The following TRRAP variants were observed in gnomAD, a reference collection of about 807,000 sequenced individuals.
TRRAP encodes transformation/transcription domain-associated protein.
A neutral mutation model predicts 438.8 loss-of-function variants in TRRAP; 41 were observed. The ratio of observed to expected loss-of-function variants is 0.09; its 90% CI spans 0.07 to 0.12. The LOEUF (loss-of-function observed/expected upper bound fraction) is 0.12. TRRAP is among the 10% of genes least tolerant of loss of function. The pLI is 1.00. For missense variants in TRRAP, 3,122 were observed against 5,055.1 expected, an observed-to-expected ratio of 0.62 and a Z score of 11.60; for synonymous variants, 1,994 against 1,962.9, an observed-to-expected ratio of 1.02 and a Z score of -0.42.
At chr7:98,943,849 A>G (rs1790915833) in intron 31 of TRRAP, among the ~76,000 whole-genome samples, 1 of 152,224 alleles carries the variant, frequency 6.6e-6, no homozygotes, top group Non-Finnish European at 1.5e-5. Flanking sequence ...CAGAGGCATA[A>G]TTAACGTGGC....
chr7:98,891,394 A>G (rs1795972882), intron 4 of TRRAP, among the ~76,000 whole-genome samples: 1 of 148,460 alleles, frequency 6.7e-6, no homozygotes, highest in Non-Finnish European at 1.5e-5. Flanking sequence ...GTACTTTAAT[A>G]GAGACCATGT....
intron 4 of TRRAP, among the ~76,000 whole-genome samples, chr7:98,892,131 G>A (rs140397902): frequency 1.8e-3 from 274 of 152,282 alleles, no homozygotes; most frequent in African/African-American, 6.2e-3. Flanking sequence ...CTCCATGTTC[G>A]TACACCAGTG....
chr7:98,983,550 G>A, intron 60 of TRRAP, 91 bp downstream of exon 60: 1 of 1,485,254 alleles, frequency 6.7e-7, no homozygotes, highest in Non-Finnish European at 9.1e-7. Context: ...GTTTGGTTTG[G>A]TTTGGTTTTT....
intron 43 of TRRAP, among the ~76,000 whole-genome samples, chr7:98,957,196 C>T (rs1791657846): frequency 6.6e-6 from 1 of 152,236 alleles, no homozygotes; most frequent in Admixed American, 6.5e-5. Flanking sequence ...TCCCTGCCTT[C>T]ACACTGTGGT....
At chr7:98,971,086 C>G (rs1035139273) in intron 52 of TRRAP, among the ~76,000 whole-genome samples, 1 of 152,188 alleles carries the variant, frequency 6.6e-6, no homozygotes, top group Non-Finnish European at 1.5e-5. Flanking sequence ...CTTCTTTGCT[C>G]TAAAAGGGGT....
rs866759974 is a variant in TRRAP at position 98,978,235 on chromosome 7, A to G, written c.8410A>G (p.Met2804Val). ...GGCACAAGAATCCTATGAAAAGGCA[A>G]TGGATAAAGCCAAAAAAGAACATGA... ...EQAQESYEKA[M>V]DKAKKEHERS... The change falls in exon 57 of 73, where the codon ATG becomes GTG. Residue 2804 changes from methionine (M) to valine (V), a missense_variant. Met to Val is a conservative substitution (Grantham distance 21, BLOSUM62 1). Around this residue, in one of 24 missense-constraint regions of TRRAP, gnomAD observed 992 missense variants for 1,281.2 expected, o/e 0.77. Coordinates refer to ENST00000456197, the MANE Select transcript of TRRAP (RefSeq NM_001375524.1). 6.2e-7 allele frequency: 1 copy of G among 1,614,134 alleles called. No homozygotes were observed. The highest frequency in any genetic ancestry group is 8.5e-7 in the Non-Finnish European group (1 of 1,180,016).
Position 98,994,984 on chromosome 7 carries a change from T to G in TRRAP, c.10309+136T>G. ...CACACTGGTTACACTCTGTTTACAGTGCAGACTTCAGAGTGCATAGCTGAG... is the reference window on the plus strand; with the variant it reads ...CACACTGGTTACACTCTGTTTACAGGGCAGACTTCAGAGTGCATAGCTGAG... On this transcript the variant is annotated intron_variant, in intron 67 of 72. Transcript: ENST00000456197. The surrounding 1 kb of genome is among the most constrained non-coding windows in gnomAD (Gnocchi z 4.8). 1 of 1,306,940 alleles carries G rather than the reference T, an allele frequency of 7.7e-7. No homozygotes were observed. Among genetic ancestry groups the G allele is most frequent in the Non-Finnish European group, 1.0e-6 (1 of 961,586 alleles). The allele number at this position is 1,306,940 out of a possible 1,614,324, so 81.0% of individuals were successfully genotyped here. A position where few individuals can be genotyped will look rare whatever the true frequency, so the allele number is the denominator to read the frequency against.
chr7:98,925,769 A>G (rs1790022642), intron 22 of TRRAP, among the ~76,000 whole-genome samples: 2 of 152,196 alleles, frequency 1.3e-5, no homozygotes, highest in African/African-American at 4.8e-5. Flanking sequence ...CAGGGGATGG[A>G]TTTTTCCTAT....
intron 58 of TRRAP, among the ~76,000 whole-genome samples, chr7:98,981,076 T>C (rs1413756394): frequency 6.6e-6 from 1 of 151,944 alleles, no homozygotes; most frequent in Non-Finnish European, 1.5e-5. Context: ...ATGTTTATCA[T>C]ACTGGAGATT....
chr7:98,881,571 CAAAAA>C (rs35358303), intron 2 of TRRAP: 15 of 124,044 alleles, frequency 1.2e-4, no homozygotes, highest in South Asian at 2.7e-4. Flanking sequence ...GACTCCCTCT[CAAAAA>C]AAAAAAAAAA....
intron 21 of TRRAP, among the ~76,000 whole-genome samples, chr7:98,922,295 C>T (rs911269132): frequency 4.3e-4 from 65 of 152,232 alleles, no homozygotes; most frequent in Non-Finnish European, 1.0e-4. Flanking sequence ...CACGCAGTGC[C>T]TCGCTTTCTC....
At position 98,899,096 on chromosome 7, in the gene TRRAP, G is replaced by A. The variant is rs188830583; in HGVS notation, c.634-326G>A. Among the ~76,000 whole-genome samples the A allele has an allele frequency of 1.7e-3, 262 of 152,296 alleles. 2 individuals are homozygous for A. The highest frequency in any genetic ancestry group is 6.1e-3 in the African/African-American group (252 of 41,562). ...CCCAGCTACTCAGGAGGCTGAGGCA[G>A]GAGAATGGCTTGAACCCAGGAGGTG... On this transcript the variant is annotated intron_variant, in intron 8 of 72. Coordinates refer to ENST00000456197, the MANE Select transcript of TRRAP (RefSeq NM_001375524.1).
At chr7:98,995,358 G>T (rs1793603952) in intron 67 of TRRAP, among the ~76,000 whole-genome samples, 2 of 151,840 alleles carry the variant, frequency 1.3e-5, no homozygotes, top group African/African-American at 4.9e-5. Flanking sequence ...TGGGCCCATG[G>T]AAGACTGGGT....
intron 31 of TRRAP, 141 bp from the exon 32 acceptor site, chr7:98,945,606 G>A (rs549442931): frequency 1.5e-5 from 14 of 925,194 alleles, no homozygotes; most frequent in East Asian, 2.8e-5. Flanking sequence ...TTGAGCATTT[G>A]TTAATTACTG....
At chr7:98,910,630 G>C (rs1789205679) in intron 16 of TRRAP, 23 bp downstream of exon 16, 1 of 1,590,492 alleles carries the variant, frequency 6.3e-7, no homozygotes, top group African/African-American at 1.4e-5. Flanking sequence ...CCTCCAGCCA[G>C]GCTTTCGCAT....
chr7:98,964,080 TAA>T (rs532793958), intron 47 of TRRAP, among the ~76,000 whole-genome samples: 142 of 118,598 alleles, frequency 1.2e-3, no homozygotes, highest in Admixed American at 1.6e-3. Flanking sequence ...GACTCGACAT[TAA>T]AAAAAAAAAA....
chr7:98,912,227 A>C lies in TRRAP; in HGVS notation c.2199+14A>C. 6.2e-7 allele frequency: 1 copy of C among 1,612,196 alleles called. No homozygotes were observed. The highest frequency in any genetic ancestry group is 8.5e-7 in the Non-Finnish European group (1 of 1,178,814). The stretch of plus-strand genomic sequence containing the variant: ...CAAATGCTGAAGGTAAAGTCCATTT[A>C]ATCTAAGTAGTGCTTCTGTTCAGGG... On this transcript the variant is annotated intron_variant, in intron 18 of 72. Coordinates refer to ENST00000456197, the MANE Select transcript of TRRAP (RefSeq NM_001375524.1).
Position 98,949,861 on chromosome 7 carries a change from C to T in TRRAP, c.5135+20C>T. 13 of 1,606,920 alleles carry T rather than the reference C, an allele frequency of 8.1e-6. No homozygotes were observed. The highest frequency in any genetic ancestry group is 1.0e-5 in the Non-Finnish European group (12 of 1,176,520). On this transcript the variant is annotated intron_variant, in intron 37 of 72. Coordinates refer to ENST00000456197, the MANE Select transcript of TRRAP (RefSeq NM_001375524.1). ...CTGCAAGTGGGTGCCTCCTCCCGCC[C>T]TGCCCCGCGGGACTGGCTCTGTCCC...
chr7:98,992,285 C>T, intron 65 of TRRAP, 58 bp downstream of exon 65: 1 of 1,582,070 alleles, frequency 6.3e-7, no homozygotes, highest in Non-Finnish European at 8.7e-7. Flanking sequence ...CAGGGGGTGC[C>T]CCACATCCAG....
Sources: allele counts gnomAD v4.1 joint callset (sites outside exome capture counted in the v4.1 genomes callset), GRCh38; gene constraint gnomAD v4.1.1; regional missense constraint gnomAD v4.1.1; non-coding constraint Gnocchi (gnomAD v3.1); transcripts MANE v1.5; gene names NCBI Gene and HGNC (gene_info 2026-07-23, HGNC 2026-07-21).